The following EPRS1 variants were observed in gnomAD, a reference collection of about 807,000 sequenced individuals.
EPRS1 encodes bifunctional glutamate/proline--tRNA ligase.
Under a neutral mutation model 188.3 loss-of-function variants are expected in EPRS1, and 107 were observed. The observed-to-expected ratio is 0.57, with a 90% confidence interval of 0.49 to 0.67. The LOEUF is 0.67. Ranked by LOEUF, EPRS1 falls within the 30% of genes least tolerant of loss-of-function variation. EPRS1 has a pLI of 0.00. For synonymous variants in EPRS1, 596 were observed against 593.1 expected, an observed-to-expected ratio of 1.00 and a Z score of -0.07; for missense variants, 1,577 against 1,802.2, an observed-to-expected ratio of 0.88 and a Z score of 2.26.
chr1:219,986,989 T>C (rs1661018727), intron 20 of EPRS1, among the ~76,000 whole-genome samples, 153 bp downstream of exon 20: 1 of 152,194 alleles, frequency 6.6e-6, no homozygotes, highest in South Asian at 2.1e-4. Flanking sequence ...TAAAACTAAA[T>C]GGAAAATCAA....
At chr1:219,977,533 C>G (rs541959934) in intron 28 of EPRS1, among the ~76,000 whole-genome samples, 1 of 151,980 alleles carries the variant, frequency 6.6e-6, no homozygotes, top group Non-Finnish European at 1.5e-5. Context: ...ATTTTATAGC[C>G]CAGGTTAAGT....
Position 219,992,068 on chromosome 1 carries a change from A to G in EPRS1, c.2542-3245T>C, listed in dbSNP as rs3767668. On this transcript the variant is annotated intron_variant, in intron 18 of 31. Transcript: ENST00000366923. ...TTTTTCTTGTTTCCTTCCCTGCAACATTTATCTTTTGGCCTGAGACATCTT... is the reference window on the plus strand; with the variant it reads ...TTTTTCTTGTTTCCTTCCCTGCAACGTTTATCTTTTGGCCTGAGACATCTT... 4.1e-3 allele frequency among the ~76,000 whole-genome samples: 623 copies of G among 152,272 alleles called. 10 individuals carry two copies. The highest frequency in any genetic ancestry group is 0.026 in the Admixed American group (403 of 15,294).
intron 1 of EPRS1, 117 bp from the exon 2 acceptor site, chr1:220,040,386 C>T: frequency 1.5e-6 from 1 of 650,874 alleles, no homozygotes; most frequent in South Asian, 2.2e-5. Context: ...AAGGAGTGAA[C>T]TTTTTTCTCA....
chr1:219,981,349 A>G (rs1179317732), intron 24 of EPRS1, 29 bp downstream of exon 24: 8 of 1,457,292 alleles, frequency 5.5e-6, no homozygotes, highest in African/African-American at 1.4e-5. Flanking sequence ...ATGAATAATA[A>G]TAGAATACAA....
chr1:219,994,376 C>A (rs114468384), intron 18 of EPRS1, among the ~76,000 whole-genome samples: 1,872 of 152,220 alleles, frequency 0.012, 34 homozygotes, highest in African/African-American at 0.036. Flanking sequence ...CACCCAAAAC[C>A]CTGAACTAGA....
chr1:220,006,082 AAT>A, intron 15 of EPRS1, 22 bp downstream of exon 15: 1 of 1,396,788 alleles, frequency 7.2e-7, no homozygotes, highest in African/African-American at 1.4e-5. Flanking sequence ...TAAAAGGTGA[AAT>A]ATGGTTTCTT....
chr1:219,984,912 T>C (rs1040362204), intron 20 of EPRS1, among the ~76,000 whole-genome samples: 2 of 152,052 alleles, frequency 1.3e-5, no homozygotes, highest in South Asian at 4.2e-4. Context: ...TGGTGGCGCA[T>C]GCTTGTAATC....
intron 13 of EPRS1, among the ~76,000 whole-genome samples, chr1:220,010,423 T>C (rs1331761794): frequency 2.0e-5 from 3 of 152,246 alleles, no homozygotes; most frequent in Non-Finnish European, 2.9e-5. Context: ...TTCTGTGTGA[T>C]GTACTATGGA....
chr1:219,973,875 A>C (rs907275965), intron 28 of EPRS1, among the ~76,000 whole-genome samples: 1 of 152,160 alleles, frequency 6.6e-6, no homozygotes, highest in African/African-American at 2.4e-5. Flanking sequence ...GGATTGTTAA[A>C]GCACAGATTT....
At chr1:219,989,409 A>G (rs1247106753) in intron 18 of EPRS1, among the ~76,000 whole-genome samples, 1 of 151,640 alleles carries the variant, frequency 6.6e-6, no homozygotes, top group African/African-American at 2.4e-5. Flanking sequence ...GACACTTGTG[A>G]CTCTCTAGCA....
intron 18 of EPRS1, among the ~76,000 whole-genome samples, chr1:219,996,740 T>A (rs1214092778): frequency 4.6e-5 from 7 of 152,192 alleles, no homozygotes; most frequent in Admixed American, 4.6e-4. Flanking sequence ...CACAAAGGAT[T>A]ACAGTCACAT....
At position 220,011,018 on chromosome 1, in the gene EPRS1, C is replaced by G. The variant is rs1661594728; in HGVS notation, c.1533G>C (p.Leu511=). The change falls in exon 13 of 32, where the codon CTG becomes CTC. Residue 511 remains leucine (L), a synonymous_variant. Transcript: ENST00000366923. ...CATTCACTGGGATCACTTCTTTCTT[C>G]AGTAATGCAACATATCGTGGAGCCA... ...DPVAPRYVAL[L]KKEVIPVNVP... The G allele has an allele frequency of 1.2e-6, 2 of 1,613,514 alleles. No individual in the cohort carries two copies. Among genetic ancestry groups the G allele is most frequent in the Non-Finnish European group, 1.7e-6 (2 of 1,179,526 alleles).
chr1:220,026,432 A>G (rs2102592800), intron 6 of EPRS1, among the ~76,000 whole-genome samples: 1 of 152,322 alleles, frequency 6.6e-6, no homozygotes, highest in South Asian at 2.1e-4. Flanking sequence ...TGGGCTGACA[A>G]GGCATGAAGC....
At position 219,987,076 on chromosome 1, in the gene EPRS1, T is replaced by C; in HGVS notation, c.3038+66A>G. ...TGGTTAAACCAGTCAAAATTTGTTT[T>C]AAAAACTATTAAGAATTGAATTAAT... On this transcript the variant is annotated intron_variant, in intron 20 of 31. Transcript: ENST00000366923. 2.6e-6 allele frequency: 4 copies of C among 1,529,170 alleles called. No individual in the cohort carries two copies. In the South Asian group the frequency reaches 3.9e-5, roughly 15 times the overall value. The allele number at this position is 1,529,170 out of a possible 1,614,324, so 94.7% of individuals were successfully genotyped here.
intron 20 of EPRS1, among the ~76,000 whole-genome samples, chr1:219,984,945 C>G (rs1660976976): frequency 6.6e-6 from 1 of 150,900 alleles, no homozygotes; most frequent in African/African-American, 2.4e-5. Flanking sequence ...GAGGCTGAGG[C>G]AGGAGAATGA....
At chr1:219,983,438 C>T (rs1660938223) in intron 21 of EPRS1, 40 bp from the exon 22 acceptor site, 2 of 1,448,058 alleles carry the variant, frequency 1.4e-6, no homozygotes, top group African/African-American at 1.4e-5. Context: ...TTACATTGAA[C>T]CAAAATTCTA....
chr1:219,983,414 A>C lies in EPRS1; in HGVS notation c.3091-16T>G. On this transcript the variant is annotated splice_polypyrimidine_tract_variant and intron_variant, in intron 21 of 31. Coordinates refer to ENST00000366923, the MANE Select transcript of EPRS1 (RefSeq NM_004446.3). ...TTGTGATGACCTTTTTAAAAGAAAA[A>C]TAGTCTTTAAAGCTTACATTGAACC... 6.3e-7 allele frequency: 1 copy of C among 1,587,666 alleles called. No individual in the cohort carries two copies. The highest frequency in any genetic ancestry group is 8.6e-7 in the Non-Finnish European group (1 of 1,161,052).
rs1660853828 is a variant in EPRS1, at chr1:219,979,622, T to G, written c.3712-7A>C. 1 of 1,594,340 alleles carries G rather than the reference T, an allele frequency of 6.3e-7. No individual in the cohort carries two copies. The highest frequency in any genetic ancestry group is 1.7e-5 in the Admixed American group (1 of 59,674). The stretch of plus-strand genomic sequence containing the variant: ...AATGATGTGATGTTCCTCCCTAAAA[T>G]AGAGAGAGAAAAATAAGCTTCATTT... On this transcript the variant is annotated splice_polypyrimidine_tract_variant and splice_region_variant and intron_variant, in intron 26 of 31. Coordinates refer to ENST00000366923, the MANE Select transcript of EPRS1 (RefSeq NM_004446.3).
intron 18 of EPRS1, among the ~76,000 whole-genome samples, chr1:219,990,168 G>C (rs899583794): frequency 2.0e-5 from 3 of 149,306 alleles, no homozygotes; most frequent in Non-Finnish European, 3.0e-5. Flanking sequence ...AATTTGAAAC[G>C]TTATAAAGGA....
Sources: gnomAD v4.1 joint callset for allele counts (sites outside exome capture counted in the v4.1 genomes callset) on GRCh38, gnomAD v4.1.1 for gene constraint, MANE v1.5 for transcripts, NCBI Gene and HGNC (gene_info 2026-07-23, HGNC 2026-07-21) for gene names.